WNT7A: variants seen among roughly 807,000 people sequenced by gnomAD.
WNT7A encodes protein Wnt-7a.
A neutral mutation model predicts 28.2 loss-of-function variants in WNT7A; 16 were observed. The ratio of observed to expected loss-of-function variants is 0.57; its 90% confidence interval spans 0.38 to 0.86. WNT7A has a LOEUF of 0.86. WNT7A is among the 40% of genes least tolerant of loss of function. The pLI is 0.00. For missense variants in WNT7A, 411 were observed against 489.7 expected (o/e 0.84, Z 1.52); for synonymous variants, 190 against 195.9 (o/e 0.97, Z 0.25).
At chr3:13,856,944 G>C (rs2124862257) in intron 2 of WNT7A, among the ~76,000 whole-genome samples, 2 of 121,356 alleles carry the variant, frequency 1.6e-5, no homozygotes, top group African/African-American at 8.1e-5. Flanking sequence ...AGAAGAAGAA[G>C]AAGAAGAAGA....
intron 3 of WNT7A, among the ~76,000 whole-genome samples, chr3:13,839,799 C>A (rs930425977): frequency 2.6e-5 from 4 of 152,180 alleles, no homozygotes; most frequent in African/African-American, 9.7e-5. Context: ...AGAGGTGCCA[C>A]ATGTTGCCCA....
chr3:13,825,315 A>C (rs1694176376), intron 3 of WNT7A, among the ~76,000 whole-genome samples: 2 of 152,176 alleles, frequency 1.3e-5, no homozygotes, highest in Non-Finnish European at 1.5e-5. Context: ...CATGGTTTCC[A>C]TGGCTGGCCT....
intron 1 of WNT7A, among the ~76,000 whole-genome samples, chr3:13,876,360 A>G (rs1228006487): frequency 6.6e-6 from 1 of 152,234 alleles, no homozygotes; most frequent in Admixed American, 6.5e-5. Context: ...CAGGTGCATC[A>G]GGCAGCACCA....
intron 1 of WNT7A, chr3:13,877,326 G>A (rs1194851798): frequency 6.6e-6 from 1 of 152,292 alleles, no homozygotes; most frequent in African/African-American, 2.4e-5. Context: ...GCAGGTGTTG[G>A]AGGTGGGACA....
chr3:13,854,841 G>A, intron 2 of WNT7A, 38 bp from the exon 3 acceptor site: 4 of 1,609,084 alleles, frequency 2.5e-6, no homozygotes, highest in Non-Finnish European at 3.4e-6. Flanking sequence ...GTTGGGGTCA[G>A]GTCCCAAGCA....
chr3:13,876,523 G>A (rs1695113371), intron 1 of WNT7A, among the ~76,000 whole-genome samples: 1 of 152,188 alleles, frequency 6.6e-6, no homozygotes, highest in Non-Finnish European at 1.5e-5. Context: ...TAGGGCTGCA[G>A]GTAGAGCCAC....
At chr3:13,861,810 G>A (rs1328808306) in intron 2 of WNT7A, among the ~76,000 whole-genome samples, 1 of 152,202 alleles carries the variant, frequency 6.6e-6, no homozygotes, top group Admixed American at 6.5e-5. Context: ...CTACTGGAAT[G>A]ATAGCTTCAA....
intron 3 of WNT7A, among the ~76,000 whole-genome samples, chr3:13,851,959 G>A (rs1694645093): frequency 6.6e-6 from 1 of 152,200 alleles, no homozygotes; most frequent in South Asian, 2.1e-4. Context: ...ATTCTGATTC[G>A]GCCTGCAGAC....
At chr3:13,838,779 T>C (rs1274829560) in intron 3 of WNT7A, among the ~76,000 whole-genome samples, 1 of 152,004 alleles carries the variant, frequency 6.6e-6, no homozygotes, top group East Asian at 1.9e-4. Flanking sequence ...AGGTATGGAG[T>C]GGACTTTCCA....
At chr3:13,841,418 T>C (rs1486725978) in intron 3 of WNT7A, among the ~76,000 whole-genome samples, 1 of 152,182 alleles carries the variant, frequency 6.6e-6, no homozygotes, top group Non-Finnish European at 1.5e-5. Context: ...ACTGCCTGAG[T>C]TCATATCCTG....
At chr3:13,831,544 A>G (rs1353241078) in intron 3 of WNT7A, among the ~76,000 whole-genome samples, 1 of 152,120 alleles carries the variant, frequency 6.6e-6, no homozygotes, top group East Asian at 1.9e-4. Context: ...ACACTGTCGC[A>G]TGCCACTGGG....
chr3:13,860,331 G>A (rs1308379036), intron 2 of WNT7A, among the ~76,000 whole-genome samples: 1 of 152,114 alleles, frequency 6.6e-6, no homozygotes, highest in Non-Finnish European at 1.5e-5. Flanking sequence ...TCCCTTCCTG[G>A]CCCACCAGTG....
chr3:13,835,078 G>A (rs906620490), intron 3 of WNT7A, among the ~76,000 whole-genome samples: 1 of 152,238 alleles, frequency 6.6e-6, no homozygotes, highest in Non-Finnish European at 1.5e-5. Context: ...GGAAAGGGCA[G>A]GCTAGGCAGA....
chr3:13,863,573 C>A (rs1694867001), intron 2 of WNT7A: 2 of 151,940 alleles, frequency 1.3e-5, no homozygotes, highest in Admixed American at 6.6e-5. Context: ...GAGCTAAAAC[C>A]CAGGATGAAC....
chr3:13,877,897 C>T (rs376806202), intron 1 of WNT7A, among the ~76,000 whole-genome samples: 1 of 152,236 alleles, frequency 6.6e-6, no homozygotes, highest in African/African-American at 2.4e-5. Context: ...GATGCCCCAC[C>T]ATCAGCCAGA....
intron 2 of WNT7A, among the ~76,000 whole-genome samples, chr3:13,872,043 G>A (rs182658390): frequency 3.9e-4 from 59 of 152,050 alleles, no homozygotes; most frequent in Admixed American, 3.8e-3. Flanking sequence ...CCCTTTGCCC[G>A]ACATGCTCTT....
intron 3 of WNT7A, among the ~76,000 whole-genome samples, chr3:13,829,424 C>T (rs1330723763): frequency 1.3e-5 from 2 of 152,180 alleles, no homozygotes; most frequent in African/African-American, 4.8e-5. Flanking sequence ...TAGGAGAAGG[C>T]TCTTTGCGGC....
chr3:13,865,452 G>GGACAGGATAGCT (rs1390066878), intron 2 of WNT7A, among the ~76,000 whole-genome samples: 4 of 152,124 alleles, frequency 2.6e-5, no homozygotes, highest in Non-Finnish European at 5.9e-5. Context: ...ATGCAGAGAT[G>GGACAGGATAGCT]GACAGGATAG....
intron 3 of WNT7A, among the ~76,000 whole-genome samples, chr3:13,822,406 A>G (rs569797891): frequency 6.6e-6 from 1 of 152,390 alleles, no homozygotes; most frequent in East Asian, 1.9e-4. Context: ...AAGTACTGAT[A>G]CACGCTACAA....
Sources: allele counts gnomAD v4.1 joint callset (sites outside exome capture counted in the v4.1 genomes callset), GRCh38; gene constraint gnomAD v4.1.1; transcripts MANE v1.5; gene names NCBI Gene and HGNC (gene_info 2026-07-23, HGNC 2026-07-21).